Variants in TAFA2 observed in about 807,000 individuals in gnomAD.
TAFA2 encodes the protein chemokine-like protein TAFA-2.
In TAFA2, 7 loss-of-function variants were observed where a neutral mutation model predicts 18.8. The observed-to-expected ratio is 0.37, with a 90% CI of 0.21 to 0.70. TAFA2 has a LOEUF of 0.70. Among genes scored for constraint, TAFA2 ranks in the 30% least tolerant of loss-of-function variants. The probability of loss-of-function intolerance (pLI) is 0.53; values close to 1 mark genes in which losing one functional copy is unlikely to be tolerated. For missense variants in TAFA2, 122 were observed against 158.1 expected (o/e 0.77, Z 1.23); for synonymous variants, 60 against 54.2 (o/e 1.11, Z -0.47).
chr12:61,868,889 C>T (rs558847453), intron 1 of TAFA2, among the ~76,000 whole-genome samples: 1 of 152,064 alleles, frequency 6.6e-6, no homozygotes, highest in African/African-American at 2.4e-5. Context: ...CCTGACTTTA[C>T]TTTTTTTGGG....
chr12:61,814,925 TC>T (rs774733712), intron 2 of TAFA2, among the ~76,000 whole-genome samples: 5 of 151,456 alleles, frequency 3.3e-5, no homozygotes, highest in African/African-American at 4.9e-5. Flanking sequence ...CCCTAGAGCC[TC>T]CAGAAGGAAC....
At chr12:61,834,161 C>A (rs1465205026) in intron 2 of TAFA2, among the ~76,000 whole-genome samples, 5 of 152,078 alleles carry the variant, frequency 3.3e-5, no homozygotes, top group African/African-American at 9.7e-5. Context: ...TTAATCCTCA[C>A]AAGCACCATA....
chr12:61,779,471 T>C (rs768127179), intron 2 of TAFA2, among the ~76,000 whole-genome samples: 26 of 151,872 alleles, frequency 1.7e-4, no homozygotes, highest in Admixed American at 1.1e-3. Context: ...AGGTGTTAAC[T>C]GGAGCTGCCT....
intron 2 of TAFA2, among the ~76,000 whole-genome samples, chr12:61,828,752 CTA>C (rs2121084260): frequency 6.6e-6 from 1 of 151,900 alleles, no homozygotes; most frequent in South Asian, 2.1e-4. Context: ...AGATCATTTA[CTA>C]TCTTTTCATG....
intron 1 of TAFA2, among the ~76,000 whole-genome samples, chr12:62,256,326 C>A (rs1332035771): frequency 1.3e-5 from 2 of 151,706 alleles, no homozygotes; most frequent in South Asian, 2.1e-4. Flanking sequence ...AGACCTTATG[C>A]CCATGCTAAA....
At chr12:61,847,745 A>G (rs1315287099) in intron 2 of TAFA2, among the ~76,000 whole-genome samples, 1 of 152,232 alleles carries the variant, frequency 6.6e-6, no homozygotes, top group Non-Finnish European at 1.5e-5. Flanking sequence ...ACAGTGTTTC[A>G]TAACAGTGTT....
At chr12:61,882,108 T>C (rs1252299882) in intron 1 of TAFA2, among the ~76,000 whole-genome samples, 3 of 152,224 alleles carry the variant, frequency 2.0e-5, no homozygotes, top group Non-Finnish European at 4.4e-5. Flanking sequence ...TTTAATGTAC[T>C]AATCCAACTT....
At chr12:62,228,950 C>T (rs2062800235) in intron 1 of TAFA2, among the ~76,000 whole-genome samples, 1 of 152,070 alleles carries the variant, frequency 6.6e-6, no homozygotes. Flanking sequence ...GTTACATTTA[C>T]TCCTATGTAT....
At chr12:61,975,549 CA>C (rs1879402801) in intron 1 of TAFA2, among the ~76,000 whole-genome samples, 1 of 14,172 alleles carries the variant, frequency 7.1e-5, no homozygotes, top group African/African-American at 2.8e-4. Context: ...GTGTGTATCC[CA>C]ATTTCTTTAT....
chr12:62,057,080 A>G (rs1179567987), intron 1 of TAFA2, among the ~76,000 whole-genome samples: 1 of 152,172 alleles, frequency 6.6e-6, no homozygotes, highest in East Asian at 1.9e-4. Context: ...GAAGGTTGGG[A>G]TGAACTTACC....
intron 1 of TAFA2, among the ~76,000 whole-genome samples, chr12:62,151,437 A>G (rs1008562490): frequency 4.6e-5 from 7 of 152,268 alleles, no homozygotes; most frequent in Non-Finnish European, 1.0e-4. Flanking sequence ...TGTGTTCTCT[A>G]TAAAAAGGAA....
chr12:61,926,559 T>G (rs889304174), intron 1 of TAFA2, among the ~76,000 whole-genome samples: 7 of 152,244 alleles, frequency 4.6e-5, no homozygotes, highest in South Asian at 2.1e-4. Context: ...AATCAATAAA[T>G]GGAATCCATT....
At chr12:62,123,866 G>T (rs1870334691) in intron 1 of TAFA2, among the ~76,000 whole-genome samples, 1 of 150,856 alleles carries the variant, frequency 6.6e-6, no homozygotes, top group African/African-American at 2.4e-5. Context: ...CCTGAGATTG[G>T]TTCATGAACT....
intron 1 of TAFA2, among the ~76,000 whole-genome samples, chr12:62,220,203 C>A (rs2136977987): frequency 6.6e-6 from 1 of 152,078 alleles, no homozygotes; most frequent in East Asian, 1.9e-4. Context: ...AAGGAAAAAT[C>A]ATTTTAAAAA....
intron 2 of TAFA2, among the ~76,000 whole-genome samples, chr12:61,799,664 T>C (rs1348991422): frequency 6.6e-6 from 1 of 151,838 alleles, no homozygotes; most frequent in Non-Finnish European, 1.5e-5. Flanking sequence ...CTACTAAAAA[T>C]ACAAAAAATT....
intron 1 of TAFA2, among the ~76,000 whole-genome samples, chr12:61,930,182 C>A (rs149959395): frequency 1.3e-5 from 2 of 151,748 alleles, no homozygotes; most frequent in East Asian, 3.9e-4. Context: ...AAAAAGAAAA[C>A]GGGAAGAGAA....
chr12:61,832,768 T>C (rs1872765970), intron 2 of TAFA2, among the ~76,000 whole-genome samples: 1 of 151,892 alleles, frequency 6.6e-6, no homozygotes, highest in African/African-American at 2.4e-5. Flanking sequence ...TCTCTTCCTA[T>C]CATAATCTTT....
At chr12:61,969,685 AT>A (rs958579435) in intron 1 of TAFA2, among the ~76,000 whole-genome samples, 3 of 151,646 alleles carry the variant, frequency 2.0e-5, no homozygotes, top group Admixed American at 6.6e-5. Context: ...TGGTAAATAC[AT>A]TTTTTTAAAG....
At chr12:61,841,701 G>A (rs1447811379) in intron 2 of TAFA2, among the ~76,000 whole-genome samples, 1 of 151,874 alleles carries the variant, frequency 6.6e-6, no homozygotes, top group South Asian at 2.1e-4. Context: ...ATTTTGATAG[G>A]AATTGCATTG....
Sources: gnomAD v4.1 joint callset for allele counts (sites outside exome capture counted in the v4.1 genomes callset) on GRCh38, gnomAD v4.1.1 for gene constraint, MANE v1.5 for transcripts, NCBI Gene and HGNC (gene_info 2026-07-23, HGNC 2026-07-21) for gene names.